MS4A6A: variants seen among roughly 807,000 people sequenced by gnomAD.
MS4A6A encodes membrane-spanning 4-domains subfamily A member 6A.
In MS4A6A, 19 loss-of-function variants were observed where a neutral mutation model predicts 20.6. The ratio of observed to expected loss-of-function variants is 0.92; its 90% CI spans 0.64 to 1.36. MS4A6A has a LOEUF of 1.36. MS4A6A is among the 40% of genes most tolerant of loss of function. The probability of loss-of-function intolerance (pLI) is 0.00; values close to 1 mark genes in which losing one functional copy is unlikely to be tolerated. For missense variants in MS4A6A, 272 were observed against 261.1 expected (o/e 1.04, Z -0.29); for synonymous variants, 108 against 105.0 (o/e 1.03, Z -0.17).
downstream of MS4A6A, chr11:60,172,260 G>C: frequency 1.2e-6 from 2 of 1,612,102 alleles, no homozygotes; most frequent in Non-Finnish European, 1.7e-6. Context: ...CACTCTAGAA[G>C]AAACAAAATA....
intron 2 of MS4A6A, chr11:60,180,980 A>C (rs1857107494): frequency 2.2e-6 from 1 of 446,762 alleles, no homozygotes; most frequent in Admixed American, 2.4e-5. Context: ...CTCACCTCAG[A>C]TCACATAAGT....
At chr11:60,178,231 G>A (rs769386308) in intron 4 of MS4A6A, 29 bp downstream of exon 4, 4 of 1,586,452 alleles carry the variant, frequency 2.5e-6, no homozygotes, top group Non-Finnish European at 3.5e-6. Context: ...TTGATCCATT[G>A]GGTTGTGGGT....
At chr11:60,173,809 C>T (rs1856702514) in intron 5 of MS4A6A, among the ~76,000 whole-genome samples, 1 of 151,990 alleles carries the variant, frequency 6.6e-6, no homozygotes, top group African/African-American at 2.4e-5. Flanking sequence ...TGCTAATCAC[C>T]AACACCAACT....
Position 60,174,046 on chromosome 11 carries a change from C to G in MS4A6A, c.550-917G>C, listed in dbSNP as rs187626146. Among the ~76,000 whole-genome samples, 290 of 152,324 alleles carry G rather than the reference C, an allele frequency of 1.9e-3. 2 individuals are homozygous for G. The highest frequency in any genetic ancestry group is 6.8e-3 in the African/African-American group (281 of 41,568). On this transcript the variant is annotated intron_variant, in intron 5 of 5. Coordinates refer to ENST00000528851, the MANE Select transcript of MS4A6A (RefSeq NM_022349.4). ...AAAATCGTCCCATCATGAATTTATA[C>G]TTTATCACTACCAAATTTCTCTGAA...
chr11:60,177,003 T>A (rs904272224), intron 4 of MS4A6A: 1 of 152,206 alleles, frequency 6.6e-6, no homozygotes, highest in Non-Finnish European at 1.5e-5. Context: ...AATAGCCACA[T>A]AGACTATCTA....
At chr11:60,179,620 T>A in intron 3 of MS4A6A, 1 of 637,224 alleles carries the variant, frequency 1.6e-6, no homozygotes, top group Non-Finnish European at 2.8e-6. Context: ...AATAAGATGA[T>A]CTTCAAAAGA....
rs201014833 is a variant in MS4A6A at position 60,179,832 on chromosome 11, A to C, written c.281T>G (p.Phe94Cys). Residue 94 changes from phenylalanine (F) to cysteine (C), a missense_variant and splice_region_variant, in exon 3 of 6, where the codon TTT becomes TGT. Physicochemically the swap from Phe to Cys is radical, Grantham distance 205. Coordinates refer to ENST00000528851, the MANE Select transcript of MS4A6A (RefSeq NM_022349.4). ...NSAYPFIGPF[F>C]FIISGSLSIA... is the part of the protein sequence containing the mutation. Reference sequence around the variant, plus strand: ...GCCCTCCTCAGAAACTCTACTCACAAAAAAGGGTCCTATGAATGGGTAAGC... The same window carrying C: ...GCCCTCCTCAGAAACTCTACTCACACAAAAGGGTCCTATGAATGGGTAAGC... 2 of 1,614,032 alleles carry C rather than the reference A, an allele frequency of 1.2e-6. No homozygotes were observed. Among genetic ancestry groups the C allele is most frequent in the Non-Finnish European group, 1.7e-6 (2 of 1,180,010 alleles).
At chr11:60,179,642 G>C in intron 3 of MS4A6A, 189 bp downstream of exon 3, 1 of 669,614 alleles carries the variant, frequency 1.5e-6, no homozygotes. Flanking sequence ...ATGTTTATTT[G>C]AGTCTGATAA....
chr11:60,175,402 A>C lies in MS4A6A; in HGVS notation c.549T>G (p.Ala183=). Residue 183 remains alanine (A), a splice_region_variant and synonymous_variant, in exon 5 of 6, where the codon GCT becomes GCG. Coordinates refer to ENST00000528851, the MANE Select transcript of MS4A6A (RefSeq NM_022349.4). ...GAACATCCCATCTAAAAATACTTACAGCCAGACTGGCTTTGGCTGTATAGC... is the reference window on the plus strand; with the variant it reads ...GAACATCCCATCTAAAAATACTTACCGCCAGACTGGCTTTGGCTGTATAGC... ...TDCYTAKASL[A]GTLSLMLICT... The C allele has an allele frequency of 6.2e-7, 1 of 1,611,062 alleles. No individual in the cohort carries two copies. The highest frequency in any genetic ancestry group is 1.1e-5 in the South Asian group (1 of 90,956).
intron 4 of MS4A6A, chr11:60,177,851 AT>A (rs369778965): frequency 3.0e-4 from 64 of 215,070 alleles, no homozygotes; most frequent in South Asian, 6.5e-4. Context: ...ACTTTGACTC[AT>A]TTTTTTTTCA....
Position 60,178,862 on chromosome 11 carries a change from A to C in MS4A6A, c.283-546T>G, listed in dbSNP as rs893212155. On this transcript the variant is annotated intron_variant, in intron 3 of 5. Coordinates refer to ENST00000528851, the MANE Select transcript of MS4A6A (RefSeq NM_022349.4). ...CAAAAAAAAAAATCAGACAAACCCA[A>C]ATTTAGGAACATTCTATAAAAATCT... 5 of 429,632 alleles carry C rather than the reference A, an allele frequency of 1.2e-5. No homozygotes were observed. In the Admixed American group the frequency reaches 1.4e-4, roughly 12 times the overall value. 26.6% of individuals were successfully genotyped at this position (429,632 alleles called of 1,614,324 possible).
Position 60,181,634 on chromosome 11 carries a change from G to C in MS4A6A, c.94C>G (p.Gln32Glu). ...SQAEKPEPTNQGQDSLKKHLH... is the reference protein window; with the variant it reads ...SQAEKPEPTNEGQDSLKKHLH... ...TGTTTCTTCAGGCTATCCTGCCCCT[G>C]GTTGGTGGGTTCGGGTTTCTCTGCT... The change falls in exon 2 of 6, where the codon CAG becomes GAG. Residue 32 changes from glutamine to glutamate, a missense_variant. Coordinates refer to ENST00000528851, the MANE Select transcript of MS4A6A (RefSeq NM_022349.4). 6.2e-7 allele frequency: 1 copy of C among 1,613,916 alleles called. No individual in the cohort carries two copies. The highest frequency in any genetic ancestry group is 1.7e-5 in the Admixed American group (1 of 59,996).
At chr11:60,174,626 C>A (rs1189397580) in intron 5 of MS4A6A, among the ~76,000 whole-genome samples, 1 of 152,068 alleles carries the variant, frequency 6.6e-6, no homozygotes, top group Non-Finnish European at 1.5e-5. Flanking sequence ...CCCAGCCGTC[C>A]CTTTACTCTT....
chr11:60,184,317 C>T (rs144369245), upstream of MS4A6A: 12 of 152,392 alleles, frequency 7.9e-5, no homozygotes, highest in African/African-American at 2.6e-4. Context: ...CAACCTTGCT[C>T]ACCCAAGCTC....
At chr11:60,178,045 C>T in intron 4 of MS4A6A, 3 of 545,390 alleles carry the variant, frequency 5.5e-6, no homozygotes, top group Non-Finnish European at 9.7e-6. Context: ...TATTATAATC[C>T]CCTGAATGCA....
chr11:60,179,771 G>A, intron 3 of MS4A6A, 60 bp downstream of exon 3: 1 of 1,594,620 alleles, frequency 6.3e-7, no homozygotes, highest in South Asian at 1.1e-5. Context: ...GGAAGTCTAA[G>A]CTATTGGCAT....
chr11:60,174,784 A>T (rs1326072665), intron 5 of MS4A6A, among the ~76,000 whole-genome samples: 1 of 151,548 alleles, frequency 6.6e-6, no homozygotes, highest in Non-Finnish European at 1.5e-5. Flanking sequence ...TCTCAATTAC[A>T]CTCTCCATCT....
chr11:60,178,420 A>G (rs1856960819), intron 3 of MS4A6A, 104 bp from the exon 4 acceptor site: 2 of 889,262 alleles, frequency 2.2e-6, no homozygotes, highest in Non-Finnish European at 3.6e-6. Context: ...AATCCCTGAG[A>G]AACCAGTGAT....
intron 4 of MS4A6A, chr11:60,177,034 G>T (rs917468708): frequency 6.6e-6 from 1 of 152,186 alleles, no homozygotes; most frequent in South Asian, 2.1e-4. Flanking sequence ...AAAATTAAGA[G>T]AAATTTTTAT....
Sources: allele counts gnomAD v4.1 joint callset (sites outside exome capture counted in the v4.1 genomes callset), GRCh38; gene constraint gnomAD v4.1.1; transcripts MANE v1.5; gene names NCBI Gene and HGNC (gene_info 2026-07-23, HGNC 2026-07-21).